PDZRN3: variants seen among roughly 807,000 people sequenced by gnomAD.
PDZRN3 encodes E3 ubiquitin-protein ligase PDZRN3.
A neutral mutation model predicts 85.7 loss-of-function variants in PDZRN3; 38 were observed. The ratio of observed to expected loss-of-function variants is 0.44; its 90% CI spans 0.34 to 0.58. PDZRN3 has a LOEUF of 0.58. Ranked by LOEUF, PDZRN3 falls within the 20% of genes least tolerant of loss-of-function variation. The pLI, the probability that PDZRN3 is intolerant of heterozygous loss-of-function variation, is 0.01. For synonymous variants in PDZRN3, 759 were observed against 638.0 expected (o/e 1.19, Z -2.86); for missense variants, 1,629 against 1,506.4 (o/e 1.08, Z -1.35).
intron 1 of PDZRN3, among the ~76,000 whole-genome samples, chr3:73,609,226 T>C (rs4676938): frequency 0.12 from 17,591 of 152,108 alleles, 1,124 homozygotes; most frequent in East Asian, 0.19. Context: ...ATCCTGAATC[T>C]TACTGAAAAG....
intron 1 of PDZRN3, among the ~76,000 whole-genome samples, chr3:73,622,822 A>G (rs1344242107): frequency 1.3e-5 from 2 of 152,220 alleles, no homozygotes; most frequent in Non-Finnish European, 2.9e-5. Flanking sequence ...TAATGCATGT[A>G]AAGTACTTCC....
At chr3:73,482,748 C>T (rs1703590211) in intron 3 of PDZRN3, among the ~76,000 whole-genome samples, 1 of 152,178 alleles carries the variant, frequency 6.6e-6, no homozygotes, top group Non-Finnish European at 1.5e-5. Context: ...TAAAGGACCC[C>T]AGGTTGCTAT....
intron 3 of PDZRN3, among the ~76,000 whole-genome samples, chr3:73,542,677 G>A (rs1701307180): frequency 1.3e-5 from 2 of 152,070 alleles, no homozygotes; most frequent in South Asian, 4.1e-4. Flanking sequence ...GGGAGGCTGA[G>A]GCAGGAGAAT....
chr3:73,385,041 GCCA>G, intron 9 of PDZRN3, 111 bp from the exon 10 acceptor site: 1 of 1,279,056 alleles, frequency 7.8e-7, no homozygotes, highest in Non-Finnish European at 1.1e-6. Flanking sequence ...CATTTCTAAG[GCCA>G]AGGGACAGCA....
chr3:73,491,137 T>C (rs4607045), intron 3 of PDZRN3, among the ~76,000 whole-genome samples: 100,800 of 151,652 alleles, frequency 0.66, 33,627 homozygotes, highest in East Asian at 0.84. Flanking sequence ...TAAGCCCTTG[T>C]ACCACGCAAG....
intron 2 of PDZRN3, among the ~76,000 whole-genome samples, chr3:73,603,600 C>T (rs565599553): frequency 1.0e-3 from 157 of 152,098 alleles, no homozygotes; most frequent in Admixed American, 2.2e-3. Flanking sequence ...AATTCCTTGC[C>T]GTATGTCATT....
At chr3:73,482,460 T>C (rs1166919058) in intron 3 of PDZRN3, among the ~76,000 whole-genome samples, 1 of 152,202 alleles carries the variant, frequency 6.6e-6, no homozygotes, top group Non-Finnish European at 1.5e-5. Context: ...GCGTTTATAG[T>C]GACTGTCATT....
intron 3 of PDZRN3, among the ~76,000 whole-genome samples, chr3:73,546,851 G>A (rs949887170): frequency 5.9e-5 from 9 of 152,228 alleles, no homozygotes; most frequent in Admixed American, 3.9e-4. Flanking sequence ...ATTTGTAAGT[G>A]AGCGGATGAT....
intron 2 of PDZRN3, among the ~76,000 whole-genome samples, chr3:73,603,295 T>C (rs971576448): frequency 6.6e-6 from 1 of 152,218 alleles, no homozygotes; most frequent in Non-Finnish European, 1.5e-5. Context: ...GATCTTTGAA[T>C]TAAATGTCAG....
intron 3 of PDZRN3, among the ~76,000 whole-genome samples, chr3:73,560,351 G>A (rs1031465672): frequency 4.6e-5 from 7 of 152,206 alleles, no homozygotes; most frequent in South Asian, 2.1e-4. Context: ...GAGAGTGAGC[G>A]GAATAAGGGA....
intron 3 of PDZRN3, among the ~76,000 whole-genome samples, chr3:73,485,915 T>C (rs138895085): frequency 1.7e-3 from 265 of 152,344 alleles, no homozygotes; most frequent in African/African-American, 6.3e-3. Context: ...ATAGCATCTC[T>C]ATCAAGTAAT....
At chr3:73,558,100 A>C (rs1310497710) in intron 3 of PDZRN3, among the ~76,000 whole-genome samples, 1 of 152,060 alleles carries the variant, frequency 6.6e-6, no homozygotes, top group Non-Finnish European at 1.5e-5. Flanking sequence ...GAGTGAAAAA[A>C]TCAAATACAG....
intron 3 of PDZRN3, among the ~76,000 whole-genome samples, chr3:73,574,457 T>TGGGGGGGGGGGGGG (rs72092693): frequency 1.7e-5 from 2 of 120,892 alleles, no homozygotes; most frequent in African/African-American, 6.4e-5. Context: ...TTGGCTGGGG[T>TGGGGGGGGGGGGGG]GGGGGGGGTG....
chr3:73,535,705 G>A (rs957045250), intron 3 of PDZRN3, among the ~76,000 whole-genome samples: 6 of 152,154 alleles, frequency 3.9e-5, no homozygotes, highest in Admixed American at 2.0e-4. Flanking sequence ...GTAATTGCAC[G>A]CTTATAACCT....
In PDZRN3 at chr3:73,600,337, A is replaced by ACACACACTCTCTCT. The variant is rs34405662; in HGVS notation, c.918+2016_918+2017insAGAGAGAGTGTGTG. On this transcript the variant is annotated intron_variant, in intron 3 of 9. Coordinates refer to ENST00000263666, the MANE Select transcript of PDZRN3 (RefSeq NM_015009.3). ...CACACACACACACACACACACACAC[A>ACACACACTCTCTCT]CTCTCTCTCTCTCTCTCTCTCTCTC... 7.2e-3 allele frequency among the ~76,000 whole-genome samples: 725 copies of ACACACACTCTCTCT among 100,068 alleles called. 7 individuals are homozygous for ACACACACTCTCTCT. Among genetic ancestry groups the ACACACACTCTCTCT allele is most frequent in the Middle Eastern group, 0.02 (3 of 150 alleles). The allele number at this position is 100,068 out of a possible 152,430, so 65.6% of individuals were successfully genotyped here. A position where few individuals can be genotyped will look rare whatever the true frequency, so the allele number is the denominator to read the frequency against.
At chr3:73,583,499 C>T (rs1702230475) in intron 3 of PDZRN3, among the ~76,000 whole-genome samples, 1 of 152,120 alleles carries the variant, frequency 6.6e-6, no homozygotes, top group Non-Finnish European at 1.5e-5. Flanking sequence ...CACTAGATAC[C>T]CAACACTAGC....
chr3:73,570,640 CA>C (rs1702032947), intron 3 of PDZRN3, among the ~76,000 whole-genome samples: 1 of 152,166 alleles, frequency 6.6e-6, no homozygotes, highest in Non-Finnish European at 1.5e-5. Context: ...CAGGTTTCCT[CA>C]AAAGCTAGCC....
At chr3:73,389,757 A>C (rs1701480717) in intron 7 of PDZRN3, 59 bp downstream of exon 7, 3 of 1,205,750 alleles carry the variant, frequency 2.5e-6, no homozygotes, top group Non-Finnish European at 3.7e-6. Flanking sequence ...TATCATTAGA[A>C]CCAGTTTGTT....
chr3:73,511,750 G>A (rs1475089222), intron 3 of PDZRN3, among the ~76,000 whole-genome samples: 1 of 152,186 alleles, frequency 6.6e-6, no homozygotes, highest in Non-Finnish European at 1.5e-5. Flanking sequence ...AAGGACTGGC[G>A]GCCGCATCTA....
Sources: gnomAD v4.1 joint callset for allele counts (sites outside exome capture counted in the v4.1 genomes callset) on GRCh38, gnomAD v4.1.1 for gene constraint, MANE v1.5 for transcripts, NCBI Gene and HGNC (gene_info 2026-07-23, HGNC 2026-07-21) for gene names.